The following QTMAN variants were observed in gnomAD, a reference collection of about 807,000 sequenced individuals.
The protein encoded by QTMAN is queuosine-tRNA mannosyltransferase, also known as tRNA-queuosine alpha-mannosyltransferase.
At chr2:144,015,817 G>C in the QTMAN span, among the ~76,000 whole-genome samples, 3 of 152,172 alleles carry the variant, frequency 2.0e-5, no homozygotes, top group Admixed American at 2.0e-4. Flanking sequence ...TTGGTACAGA[G>C]ACTGTACTGG....
chr2:144,323,421 AAG>A, the QTMAN span, among the ~76,000 whole-genome samples: 5 of 152,326 alleles, frequency 3.3e-5, no homozygotes, highest in African/African-American at 1.2e-4. Context: ...CACAGCTGTG[AAG>A]AATACCATGA....
the QTMAN span, among the ~76,000 whole-genome samples, chr2:144,288,847 C>A: frequency 6.6e-6 from 1 of 152,026 alleles, no homozygotes; most frequent in Admixed American, 6.5e-5. Context: ...CACTACTACA[C>A]CCCAAGCCCC....
chr2:144,165,203 C>T, the QTMAN span, among the ~76,000 whole-genome samples: 7 of 151,934 alleles, frequency 4.6e-5, no homozygotes, highest in Admixed American at 1.3e-4. Context: ...AACACTATCT[C>T]TACTAAAAAT....
the QTMAN span, among the ~76,000 whole-genome samples, chr2:144,007,981 G>C: frequency 6.6e-6 from 1 of 151,950 alleles, no homozygotes; most frequent in Non-Finnish European, 1.5e-5. Flanking sequence ...CTGTATTCCT[G>C]GGCATCTGAA....
At chr2:144,144,544 T>G in the QTMAN span, among the ~76,000 whole-genome samples, 1 of 151,988 alleles carries the variant, frequency 6.6e-6, no homozygotes. Flanking sequence ...TCCTTCTCTG[T>G]TTCAATATAA....
chr2:144,301,474 C>T, the QTMAN span, among the ~76,000 whole-genome samples: 4 of 152,202 alleles, frequency 2.6e-5, no homozygotes, highest in African/African-American at 4.8e-5. Flanking sequence ...TCACCCATCT[C>T]GGCCTCCCAG....
At chr2:144,327,064 C>T in the QTMAN span, among the ~76,000 whole-genome samples, 1 of 152,084 alleles carries the variant, frequency 6.6e-6, no homozygotes, top group African/African-American at 2.4e-5. Context: ...ACACGCCCTG[C>T]CCCCAACCCA....
the QTMAN span, among the ~76,000 whole-genome samples, chr2:144,110,455 A>G: frequency 2.6e-5 from 4 of 152,152 alleles, no homozygotes; most frequent in African/African-American, 7.2e-5. Context: ...GCGAGTTAAT[A>G]GGTGCAGCAC....
chr2:144,147,592 C>T, the QTMAN span, among the ~76,000 whole-genome samples: 1 of 151,910 alleles, frequency 6.6e-6, no homozygotes, highest in East Asian at 1.9e-4. Flanking sequence ...CTATGCCCAT[C>T]CCTGACCATA....
At chr2:144,196,621 C>T in the QTMAN span, among the ~76,000 whole-genome samples, 1 of 152,050 alleles carries the variant, frequency 6.6e-6, no homozygotes, top group South Asian at 2.1e-4. Flanking sequence ...ACAAAAAAAC[C>T]TCGAAACTAT....
chr2:144,070,576 T>C, the QTMAN span, among the ~76,000 whole-genome samples: 1 of 151,968 alleles, frequency 6.6e-6, no homozygotes, highest in African/African-American at 2.4e-5. Context: ...CATTAAATAT[T>C]AGCAAAAAAA....
chr2:144,218,915 TAAAAAAA>T, the QTMAN span, among the ~76,000 whole-genome samples: 9 of 54,606 alleles, frequency 1.6e-4, no homozygotes, highest in East Asian at 5.3e-4. Context: ...GGAAAGTATC[TAAAAAAA>T]AAAAAAAAAA....
chr2:144,029,459 G>T, the QTMAN span, among the ~76,000 whole-genome samples: 1 of 152,138 alleles, frequency 6.6e-6, no homozygotes, highest in African/African-American at 2.4e-5. Flanking sequence ...TTGTGAGGAT[G>T]GCAAACAACA....
the QTMAN span, among the ~76,000 whole-genome samples, chr2:144,000,620 T>C: frequency 6.6e-6 from 1 of 152,010 alleles, no homozygotes; most frequent in African/African-American, 2.4e-5. Flanking sequence ...ATATTTGTCT[T>C]ATAACCTTAT....
the QTMAN span, among the ~76,000 whole-genome samples, chr2:143,984,650 G>A: frequency 1.3e-5 from 2 of 152,150 alleles, no homozygotes; most frequent in Non-Finnish European, 2.9e-5. Context: ...GGCTCACCCT[G>A]CTCCCTATCC....
the QTMAN span, among the ~76,000 whole-genome samples, chr2:143,979,747 A>G: frequency 1.3e-5 from 2 of 152,224 alleles, no homozygotes; most frequent in East Asian, 1.9e-4. Context: ...AATAGTTCTA[A>G]TACATTTCAC....
At chr2:144,331,746 G>C in the QTMAN span, among the ~76,000 whole-genome samples, 1 of 152,182 alleles carries the variant, frequency 6.6e-6, no homozygotes, top group Non-Finnish European at 1.5e-5. Flanking sequence ...GACAGAATGG[G>C]ATTGTCTGGA....
the QTMAN span, among the ~76,000 whole-genome samples, chr2:144,202,207 G>A: frequency 7.2e-5 from 11 of 152,178 alleles, no homozygotes; most frequent in Non-Finnish European, 1.5e-4. Flanking sequence ...AAGAAAGCAT[G>A]AAAGCTGCCT....
At chr2:144,186,044 T>A in the QTMAN span, among the ~76,000 whole-genome samples, 1 of 152,172 alleles carries the variant, frequency 6.6e-6, no homozygotes, top group Non-Finnish European at 1.5e-5. Flanking sequence ...TTCAGATCAG[T>A]TGAGACATGG....
Sources: gnomAD v4.1 joint callset for allele counts (sites outside exome capture counted in the v4.1 genomes callset) on GRCh38, gnomAD v4.1.1 for gene constraint, MANE v1.5 for transcripts, NCBI Gene and HGNC (gene_info 2026-07-23, HGNC 2026-07-21) for gene names.